The following JPH2 variants were observed in gnomAD, a reference collection of about 807,000 sequenced individuals.
JPH2 encodes junctophilin 2.
Under a neutral mutation model 55.9 loss-of-function variants are expected in JPH2, and 38 were observed. The observed-to-expected ratio is 0.68, with a 90% confidence interval of 0.52 to 0.89. The LOEUF (loss-of-function observed/expected upper bound fraction) is 0.89. Among genes scored for constraint, JPH2 ranks in the 40% least tolerant of loss-of-function variants. JPH2 has a pLI of 0.00. For synonymous variants in JPH2, 480 were observed against 472.4 expected (o/e 1.02, Z -0.21); for missense variants, 964 against 1,037.6 (o/e 0.93, Z 0.97).
Position 44,141,394 on chromosome 20 carries a change from G to A in JPH2, c.1169+18224C>T, listed in dbSNP as rs543957837. Among the ~76,000 whole-genome samples, 251 of 152,228 alleles carry A rather than the reference G, an allele frequency of 1.6e-3. 1 individual carries two copies. The highest frequency in any genetic ancestry group is 5.8e-3 in the African/African-American group (239 of 41,546). On this transcript the variant is annotated intron_variant, in intron 2 of 5. Coordinates refer to ENST00000372980, the MANE Select transcript of JPH2 (RefSeq NM_020433.5). ...GCCACCCTCTAAGGACAGAGGGAGG[G>A]AAAGGCAGATGGAGGCGGGTCCCTG...
intron 2 of JPH2, among the ~76,000 whole-genome samples, chr20:44,149,795 T>C (rs930794683): frequency 5.9e-5 from 9 of 152,096 alleles, no homozygotes; most frequent in African/African-American, 2.2e-4. Context: ...CTGGCCAACA[T>C]GGCGAAACCC....
rs751409321 is a variant in JPH2, at chr20:44,116,077, C to T, written c.1598G>A (p.Arg533His). The T allele has an allele frequency of 7.2e-6, 11 of 1,526,780 alleles. No individual in the cohort carries two copies. In the African/African-American group the frequency reaches 8.5e-5, roughly 12 times the overall value. The allele number at this position is 1,526,780 out of a possible 1,614,324, so 94.6% of individuals were successfully genotyped here. The change falls in exon 4 of 6, where the codon CGC (arginine) becomes CAC (histidine). Residue 533 changes from arginine to histidine, a missense_variant. Coordinates refer to ENST00000372980, the MANE Select transcript of JPH2 (RefSeq NM_020433.5). ...SVTPSEGAGR[R>H]SPARPATERM... The stretch of plus-strand genomic sequence containing the variant: ...CTCGGTGGCTGGACGCGCGGGGCTG[C>T]GGCGGCCCGCGCCCTCGGACGGAGT...
At chr20:44,151,121 ATCAC>A (rs1423025691) in intron 2 of JPH2, among the ~76,000 whole-genome samples, 3 of 152,252 alleles carry the variant, frequency 2.0e-5, no homozygotes, top group Non-Finnish European at 4.4e-5. Flanking sequence ...TGTTCATTAT[ATCAC>A]TCTCTCTATT....
intron 2 of JPH2, among the ~76,000 whole-genome samples, chr20:44,130,162 T>C (rs575084449): frequency 5.7e-4 from 87 of 152,338 alleles, no homozygotes; most frequent in African/African-American, 2.0e-3. Context: ...AGAAAATCAT[T>C]TGCCCATGGC....
In JPH2 at chr20:44,109,400, C is replaced by A. The variant is rs1366896070; in HGVS notation, c.*4118G>T. Among the ~76,000 whole-genome samples, 3 of 152,218 alleles carry A rather than the reference C, an allele frequency of 2.0e-5. No individual in the cohort carries two copies. The highest frequency in any genetic ancestry group is 4.4e-5 in the Non-Finnish European group (3 of 68,040). ...GAGGCAGGTAACATGGTATTCATCA[C>A]CCCCAGAAAAGTAAGAAAGTTCTAG... is the stretch of plus-strand genomic sequence containing the variant. On this transcript the variant is annotated 3_prime_UTR_variant, in exon 6 of 6. Transcript: ENST00000372980.
At chr20:44,175,931 T>C (rs985571393) in intron 1 of JPH2, among the ~76,000 whole-genome samples, 4 of 152,154 alleles carry the variant, frequency 2.6e-5, no homozygotes, top group African/African-American at 9.7e-5. Flanking sequence ...AGAAACCCAA[T>C]GCCCATGGAC....
intron 1 of JPH2, chr20:44,177,677 T>A: frequency 7.9e-7 from 1 of 1,259,202 alleles, no homozygotes; most frequent in African/African-American, 1.5e-5. Flanking sequence ...CGAAATGGAA[T>A]CATGTCTGGC....
intron 2 of JPH2, among the ~76,000 whole-genome samples, chr20:44,129,163 A>G (rs1268020626): frequency 2.0e-5 from 3 of 152,170 alleles, no homozygotes; most frequent in Admixed American, 6.5e-5. Flanking sequence ...TGGAAGCTCC[A>G]CTGAAATCCC....
intron 2 of JPH2, among the ~76,000 whole-genome samples, chr20:44,132,355 G>GACAGACAC (rs1555855272): frequency 3.0e-5 from 3 of 101,220 alleles, no homozygotes; most frequent in Non-Finnish European, 4.2e-5. Context: ...CAGACAGACA[G>GACAGACAC]ACACACACAC....
chr20:44,116,185 G>C lies in JPH2; in HGVS notation c.1490C>G (p.Pro497Arg). The C allele has an allele frequency of 7.2e-7, 1 of 1,392,716 alleles. No homozygotes were observed. Among genetic ancestry groups the C allele is most frequent in the Non-Finnish European group, 9.2e-7 (1 of 1,085,284 alleles). The allele number at this position is 1,392,716 out of a possible 1,614,324, so 86.3% of individuals were successfully genotyped here. ...PAGTPPQPKR[P>R]RPGVSKDGLL... Reference sequence around the variant, plus strand: ...GCCGTCCTTGGACACCCCGGGCCTGGGCCGCTTGGGCTGCGGGGGCGTCCC... The same window carrying C: ...GCCGTCCTTGGACACCCCGGGCCTGCGCCGCTTGGGCTGCGGGGGCGTCCC... The change falls in exon 4 of 6, where the codon CCC becomes CGC. Residue 497 changes from proline (P) to arginine (R), a missense_variant. By Grantham distance (103) the Pro-to-Arg change is moderately radical. Coordinates refer to ENST00000372980, the MANE Select transcript of JPH2 (RefSeq NM_020433.5).
At chr20:44,143,887 C>T (rs370258621) in intron 2 of JPH2, among the ~76,000 whole-genome samples, 21 of 152,116 alleles carry the variant, frequency 1.4e-4, no homozygotes, top group South Asian at 6.2e-4. Flanking sequence ...AGCTGGTGGC[C>T]GGCACTGGGC....
intron 1 of JPH2, chr20:44,177,378 G>T: frequency 1.0e-6 from 1 of 987,734 alleles, no homozygotes; most frequent in Non-Finnish European, 1.2e-6. Context: ...GCAGGTCCCG[G>T]AAACAAGCAA....
intron 1 of JPH2, among the ~76,000 whole-genome samples, chr20:44,161,482 A>C (rs1210638918): frequency 6.6e-6 from 1 of 152,146 alleles, no homozygotes; most frequent in Non-Finnish European, 1.5e-5. Context: ...CTGGGTCCAG[A>C]TCCTGCCTCT....
intron 4 of JPH2, 95 bp downstream of exon 4, chr20:44,115,570 C>T: frequency 6.5e-7 from 1 of 1,538,184 alleles, no homozygotes; most frequent in South Asian, 1.1e-5. Flanking sequence ...TCTCGCACCC[C>T]AGCAACCCCC....
At position 44,108,875 on chromosome 20, in the gene JPH2, C is replaced by T. The variant is rs944935771; in HGVS notation, c.*4643G>A. Among the ~76,000 whole-genome samples the T allele has an allele frequency of 2.0e-5, 3 of 152,136 alleles. No individual in the cohort carries two copies. The highest frequency in any genetic ancestry group is 2.9e-5 in the Non-Finnish European group (2 of 68,014). On this transcript the variant is annotated 3_prime_UTR_variant, in exon 6 of 6. Coordinates refer to ENST00000372980, the MANE Select transcript of JPH2 (RefSeq NM_020433.5). Reference sequence around the variant, plus strand: ...ACGACACTCTCTCCAGACCTGTTTCCCCATATGAAAAACAGGGGGCCAGAT... The same window carrying T: ...ACGACACTCTCTCCAGACCTGTTTCTCCATATGAAAAACAGGGGGCCAGAT...
At chr20:44,137,597 G>A (rs2145860598) in intron 2 of JPH2, among the ~76,000 whole-genome samples, 1 of 152,354 alleles carries the variant, frequency 6.6e-6, no homozygotes, top group East Asian at 1.9e-4. Context: ...GACAGGGGAG[G>A]AAGAAGCCAC....
intron 1 of JPH2, among the ~76,000 whole-genome samples, chr20:44,173,865 A>G (rs6017280): frequency 1.1e-3 from 160 of 152,330 alleles, no homozygotes; most frequent in African/African-American, 3.4e-3. Flanking sequence ...GTTAGCCGAG[A>G]TCGTACCACT....
chr20:44,171,178 C>T (rs573897030), intron 1 of JPH2, among the ~76,000 whole-genome samples: 7 of 152,110 alleles, frequency 4.6e-5, no homozygotes, highest in Non-Finnish European at 1.0e-4. Context: ...GGAGATTTAG[C>T]GGGGAGTGCT....
chr20:44,163,431 C>G (rs1186716703), intron 1 of JPH2, among the ~76,000 whole-genome samples: 1 of 152,150 alleles, frequency 6.6e-6, no homozygotes, highest in Non-Finnish European at 1.5e-5. Context: ...TAGATGCTTC[C>G]ACACTGCCTG....
Sources: allele counts gnomAD v4.1 joint callset (sites outside exome capture counted in the v4.1 genomes callset), GRCh38; gene constraint gnomAD v4.1.1; transcripts MANE v1.5; gene names NCBI Gene and HGNC (gene_info 2026-07-23, HGNC 2026-07-21).